The following LPP variants were observed in gnomAD, a reference collection of about 807,000 sequenced individuals.
LPP encodes the protein LIM domain containing preferred translocation partner in lipoma.
A neutral mutation model predicts 60.4 loss-of-function variants in LPP; 38 were observed. That is an observed-to-expected ratio of 0.63 (90% CI 0.49 to 0.83). LPP has a LOEUF of 0.83. Among genes scored for constraint, LPP ranks in the 40% least tolerant of loss-of-function variants. The pLI is 0.00. For missense variants in LPP, 902 were observed against 783.6 expected, an observed-to-expected ratio of 1.15 and a Z score of -1.80; for synonymous variants, 328 against 290.8, an observed-to-expected ratio of 1.13 and a Z score of -1.30.
At chr3:188,346,595 A>G (rs566039971) in intron 3 of LPP, among the ~76,000 whole-genome samples, 2 of 152,070 alleles carry the variant, frequency 1.3e-5, no homozygotes, top group African/African-American at 4.8e-5. Flanking sequence ...ACGTGTGTGT[A>G]TGTGCGTGCA....
At chr3:188,187,027 G>C (rs1414560510) in intron 1 of LPP, among the ~76,000 whole-genome samples, 2 of 152,060 alleles carry the variant, frequency 1.3e-5, no homozygotes, top group Admixed American at 6.6e-5. Flanking sequence ...TATTTTGTAA[G>C]ATGAAGATAT....
intron 2 of LPP, among the ~76,000 whole-genome samples, chr3:188,246,303 A>G (rs1726929175): frequency 1.3e-5 from 2 of 152,194 alleles, no homozygotes; most frequent in African/African-American, 2.4e-5. Flanking sequence ...ATGAAAACCC[A>G]TAGAATTTCT....
At chr3:188,742,455 G>A (rs572729472) in intron 8 of LPP, among the ~76,000 whole-genome samples, 4 of 151,940 alleles carry the variant, frequency 2.6e-5, no homozygotes, top group Non-Finnish European at 4.4e-5. Context: ...ATGACTCATC[G>A]GTAATAAATA....
intron 1 of LPP, among the ~76,000 whole-genome samples, chr3:188,187,901 C>G (rs1358748204): frequency 6.8e-6 from 1 of 146,476 alleles, no homozygotes; most frequent in African/African-American, 2.8e-5. Context: ...TTTGTTTGCT[C>G]TTTCTTTTTT....
In LPP at chr3:188,368,711, CACACACACAG is replaced by C. The variant is rs1277196264; in HGVS notation, c.-10+26994_-10+27003del. Among the ~76,000 whole-genome samples, 90 of 120,192 alleles carry C rather than the reference CACACACACAG, an allele frequency of 7.5e-4. No individual in the cohort carries two copies. In the East Asian group the frequency reaches 0.014, roughly 19 times the overall value. 78.9% of individuals were successfully genotyped at this position (120,192 alleles called of 152,430 possible). A position where few individuals can be genotyped will look rare whatever the true frequency, so the allele number is the denominator to read the frequency against. Reference sequence around the variant, plus strand: ...ACACACACACACACACACACACACACACACACACAGAGAGAGAGAGAGAGAGAGAGAGAGA... The same window carrying C: ...ACACACACACACACACACACACACACAGAGAGAGAGAGAGAGAGAGAGAGA... On this transcript the variant is annotated intron_variant, in intron 3 of 11. Coordinates refer to ENST00000617246, the MANE Select transcript of LPP (RefSeq NM_001375462.1).
chr3:188,190,352 C>A (rs1274762745), intron 1 of LPP, among the ~76,000 whole-genome samples: 1 of 152,150 alleles, frequency 6.6e-6, no homozygotes, highest in African/African-American at 2.4e-5. Flanking sequence ...AGCCACCGTG[C>A]CTGGCCCATT....
At chr3:188,671,039 G>A (rs1856853953) in intron 7 of LPP, among the ~76,000 whole-genome samples, 1 of 152,164 alleles carries the variant, frequency 6.6e-6, no homozygotes, top group South Asian at 2.1e-4. Flanking sequence ...ATTTGTTTAT[G>A]CAGTTTAAGT....
rs1197163675 is a variant in LPP, at chr3:188,203,446, TAA to T, written c.-189-21957_-189-21956del. 3.0e-4 allele frequency among the ~76,000 whole-genome samples: 28 copies of T among 92,802 alleles called. 1 individual carries two copies. The highest frequency in any genetic ancestry group is 2.0e-3 in the East Asian group (7 of 3,468). 60.9% of individuals were successfully genotyped at this position (92,802 alleles called of 152,430 possible). ...ATATAAATATAAATATATATTTATATAAATATATATAAATATATATATTTTTA... is the reference window on the plus strand; with the variant it reads ...ATATAAATATAAATATATATTTATATATATATATAAATATATATATTTTTA... On this transcript the variant is annotated intron_variant, in intron 1 of 11. Transcript: ENST00000617246.
chr3:188,168,471 C>A (rs1332542051), intron 1 of LPP, among the ~76,000 whole-genome samples: 1 of 152,106 alleles, frequency 6.6e-6, no homozygotes, highest in Non-Finnish European at 1.5e-5. Context: ...AACATGGTCA[C>A]CTGGTTCTTC....
intron 2 of LPP, among the ~76,000 whole-genome samples, chr3:188,276,304 G>A (rs1443605137): frequency 6.6e-6 from 1 of 152,174 alleles, no homozygotes; most frequent in Non-Finnish European, 1.5e-5. Flanking sequence ...TGGCGATGAA[G>A]TAGATGAAGG....
chr3:188,339,622 T>C (rs1762524293), intron 2 of LPP, among the ~76,000 whole-genome samples: 1 of 152,142 alleles, frequency 6.6e-6, no homozygotes, highest in Non-Finnish European at 1.5e-5. Flanking sequence ...CTTATAAAAC[T>C]ATCAGATCTC....
At chr3:188,348,372 T>A (rs1447984449) in intron 3 of LPP, among the ~76,000 whole-genome samples, 1 of 152,122 alleles carries the variant, frequency 6.6e-6, no homozygotes, top group African/African-American at 2.4e-5. Context: ...GGTCTCAAAC[T>A]CCTGACCTCA....
At chr3:188,667,929 G>A (rs1856157166) in intron 7 of LPP, among the ~76,000 whole-genome samples, 1 of 151,948 alleles carries the variant, frequency 6.6e-6, no homozygotes, top group Non-Finnish European at 1.5e-5. Context: ...GACAAGAACT[G>A]AAAGCAAAAC....
rs1460904892 is a variant in LPP at position 188,592,573 on chromosome 3, C to G, written c.430-16588C>G. ...TTTGTTTTTGTTTTTTAAATGGAGTCTCACTCTTTCTCCCAGGCTGGAGTG... is the reference window on the plus strand; with the variant it reads ...TTTGTTTTTGTTTTTTAAATGGAGTGTCACTCTTTCTCCCAGGCTGGAGTG... On this transcript the variant is annotated intron_variant, in intron 6 of 11. Coordinates refer to ENST00000617246, the MANE Select transcript of LPP (RefSeq NM_001375462.1). Among the ~76,000 whole-genome samples, 2 of 37,798 alleles carry G rather than the reference C, an allele frequency of 5.3e-5. 1 individual carries two copies. 24.8% of individuals were successfully genotyped at this position (37,798 alleles called of 152,430 possible). A position where few individuals can be genotyped will look rare whatever the true frequency, so the allele number is the denominator to read the frequency against.
intron 3 of LPP, among the ~76,000 whole-genome samples, chr3:188,372,708 A>G (rs1343231588): frequency 6.7e-6 from 1 of 150,118 alleles, no homozygotes; most frequent in Non-Finnish European, 1.5e-5. Flanking sequence ...TTTTTTTTTA[A>G]ATTTTATTAT....
chr3:188,342,830 AAGGT>A (rs957899073), intron 3 of LPP, among the ~76,000 whole-genome samples: 12 of 152,174 alleles, frequency 7.9e-5, no homozygotes, highest in Non-Finnish European at 1.5e-5. Flanking sequence ...ACGTGCAGAC[AAGGT>A]AGGTTATGTA....
At position 188,760,270 on chromosome 3, in the gene LPP, GCC is replaced by G; in HGVS notation, c.1400_1401del (p.Pro467LeufsTer4). The G allele has an allele frequency of 6.2e-7, 1 of 1,614,038 alleles. No individual in the cohort carries two copies. Among genetic ancestry groups the G allele is most frequent in the Non-Finnish European group, 8.5e-7 (1 of 1,179,984 alleles). On this transcript the variant is annotated frameshift_variant, in exon 9 of 12. Transcript: ENST00000617246. LOFTEE classifies it high-confidence loss of function. Reference sequence around the variant, plus strand: ...CTGTGGAAAAGAAAGCATACTGCGAGCCCTGCTACATTGTAAGTTCCAGATTT... The same window carrying G: ...CTGTGGAAAAGAAAGCATACTGCGAGCTGCTACATTGTAAGTTCCAGATTT... ...YAVEKKAYCE[P>X]CYINTLEQCN...
chr3:188,423,925 A>T (rs1788579588), intron 4 of LPP, among the ~76,000 whole-genome samples: 1 of 151,644 alleles, frequency 6.6e-6, no homozygotes, highest in Admixed American at 6.6e-5. Flanking sequence ...TCTGATAGAT[A>T]GTTTTTTTTG....
intron 1 of LPP, among the ~76,000 whole-genome samples, chr3:188,171,533 A>G (rs75995890): frequency 0.02 from 2,992 of 152,302 alleles, 43 homozygotes; most frequent in South Asian, 0.054. Flanking sequence ...AATGATTGCA[A>G]TGGAGGCACA....
Sources: gnomAD v4.1 joint callset for allele counts (sites outside exome capture counted in the v4.1 genomes callset) on GRCh38, gnomAD v4.1.1 for gene constraint, MANE v1.5 for transcripts, NCBI Gene and HGNC (gene_info 2026-07-23, HGNC 2026-07-21) for gene names.